DCC: variants seen among roughly 807,000 people sequenced by gnomAD.
The protein encoded by DCC is netrin receptor DCC.
DCC carries 58 observed loss-of-function variants against 172.5 expected under a neutral mutation model. The observed-to-expected ratio is 0.34, with a 90% CI of 0.27 to 0.42. DCC has a LOEUF of 0.42. Among genes scored for constraint, DCC ranks in the 10% least tolerant of loss-of-function variants. The pLI is 1.00. For missense variants in DCC, 1,740 were observed against 1,791.0 expected (o/e 0.97, Z 0.51); for synonymous variants, 709 against 644.5 (o/e 1.10, Z -1.52).
chr18:52,912,810 C>A (rs1471601698), intron 3 of DCC, among the ~76,000 whole-genome samples: 4 of 151,948 alleles, frequency 2.6e-5, no homozygotes, highest in Admixed American at 2.6e-4. Context: ...TTTATTATTT[C>A]ACTCCATACT....
At chr18:53,250,552 CT>C (rs1434345803) in intron 12 of DCC, among the ~76,000 whole-genome samples, 17 of 151,778 alleles carry the variant, frequency 1.1e-4, no homozygotes, top group African/African-American at 4.1e-4. Flanking sequence ...ATATCTGCCC[CT>C]AGTCTCCTCC....
intron 1 of DCC, among the ~76,000 whole-genome samples, chr18:52,577,582 C>A (rs62083388): frequency 0.27 from 41,565 of 151,988 alleles, 6,508 homozygotes; most frequent in Middle Eastern, 0.37. Flanking sequence ...ATTTCTTTTT[C>A]TTTTCTAGAT....
At position 52,497,248 on chromosome 18, in the gene DCC, G is replaced by A. The variant is rs142021393; in HGVS notation, c.91+156370G>A. On this transcript the variant is annotated intron_variant, in intron 1 of 28. Coordinates refer to ENST00000442544, the MANE Select transcript of DCC (RefSeq NM_005215.4). ...TGCTCTCCAGCCTGGGTAACAGAGT[G>A]AGACCCTGTATCAAAAAAAAAAAAA... Among the ~76,000 whole-genome samples the A allele has an allele frequency of 3.3e-3, 335 of 100,326 alleles. 2 individuals are homozygous for A. The highest frequency in any genetic ancestry group is 0.012 in the African/African-American group (324 of 25,976). The allele number at this position is 100,326 out of a possible 152,430, so 65.8% of individuals were successfully genotyped here.
chr18:53,177,206 G>A (rs920115209), intron 8 of DCC, among the ~76,000 whole-genome samples: 5 of 151,836 alleles, frequency 3.3e-5, no homozygotes, highest in Admixed American at 6.6e-5. Flanking sequence ...GGGAGGGATA[G>A]CACTGGGAGA....
chr18:52,700,312 ACATGCACACTCACGGAATGCACACC>A (rs1186873435), intron 1 of DCC, among the ~76,000 whole-genome samples: 3 of 143,654 alleles, frequency 2.1e-5, no homozygotes, highest in Non-Finnish European at 4.5e-5. Flanking sequence ...ACACATGCAC[ACATGCACACTCACGGAATGCACACC>A]CATGCACACT....
intron 1 of DCC, among the ~76,000 whole-genome samples, chr18:52,348,762 A>T (rs747097291): frequency 2.0e-5 from 3 of 152,040 alleles, no homozygotes; most frequent in Non-Finnish European, 4.4e-5. Context: ...TACCATGTTG[A>T]CTCTGGCCTA....
intron 21 of DCC, among the ~76,000 whole-genome samples, chr18:53,418,199 C>T (rs1374082172): frequency 6.6e-6 from 1 of 152,122 alleles, no homozygotes; most frequent in Non-Finnish European, 1.5e-5. Flanking sequence ...ACTCAATTCA[C>T]TTATAAAATT....
chr18:52,803,837 A>G (rs2038038060), intron 2 of DCC, among the ~76,000 whole-genome samples: 1 of 152,242 alleles, frequency 6.6e-6, no homozygotes, highest in Non-Finnish European at 1.5e-5. Flanking sequence ...TAATGACCTA[A>G]TATTAACTAA....
At chr18:52,897,261 A>T (rs2039745333) in intron 2 of DCC, among the ~76,000 whole-genome samples, 1 of 152,214 alleles carries the variant, frequency 6.6e-6, no homozygotes, top group Admixed American at 6.5e-5. Context: ...AGAAAGACTT[A>T]GTTGATGGCC....
At chr18:53,348,406 T>A (rs1438126220) in intron 15 of DCC, among the ~76,000 whole-genome samples, 1 of 152,136 alleles carries the variant, frequency 6.6e-6, no homozygotes, top group African/African-American at 2.4e-5. Flanking sequence ...ACTCCTGTGG[T>A]TTTGCAGGGC....
At chr18:53,262,986 C>A (rs2056623889) in intron 12 of DCC, among the ~76,000 whole-genome samples, 1 of 152,082 alleles carries the variant, frequency 6.6e-6, no homozygotes. Context: ...ATTGGTCTTT[C>A]ATTGGTAAGC....
chr18:52,834,332 G>A (rs908916873), intron 2 of DCC, among the ~76,000 whole-genome samples: 1 of 152,196 alleles, frequency 6.6e-6, no homozygotes, highest in African/African-American at 2.4e-5. Flanking sequence ...TTCTCAAAAT[G>A]TGGTGGCTCC....
chr18:52,741,637 T>C (rs988157621), intron 1 of DCC, among the ~76,000 whole-genome samples: 1 of 152,154 alleles, frequency 6.6e-6, no homozygotes, highest in African/African-American at 2.4e-5. Context: ...TTATTGAAAC[T>C]CTTCTGTAAA....
intron 1 of DCC, among the ~76,000 whole-genome samples, chr18:52,441,006 C>T (rs1045486889): frequency 2.6e-5 from 4 of 152,216 alleles, no homozygotes; most frequent in Non-Finnish European, 5.9e-5. Context: ...TGGGGAGTCA[C>T]TTGATAGGGA....
intron 12 of DCC, among the ~76,000 whole-genome samples, chr18:53,234,492 G>C (rs952421689): frequency 4.0e-5 from 6 of 151,854 alleles, no homozygotes; most frequent in South Asian, 2.1e-4. Flanking sequence ...TCTGCTTCAA[G>C]ACCCCAGATA....
intron 12 of DCC, among the ~76,000 whole-genome samples, chr18:53,288,956 G>T (rs767645352): frequency 6.6e-6 from 1 of 152,080 alleles, no homozygotes; most frequent in Non-Finnish European, 1.5e-5. Context: ...TCTGCAGATG[G>T]TTGTGTGGGT....
At chr18:53,321,301 C>T (rs1304412487) in intron 13 of DCC, among the ~76,000 whole-genome samples, 3 of 152,130 alleles carry the variant, frequency 2.0e-5, no homozygotes, top group Non-Finnish European at 4.4e-5. Flanking sequence ...GGTCTTTTCA[C>T]AAATATCATT....
intron 5 of DCC, among the ~76,000 whole-genome samples, chr18:52,962,821 T>A (rs1288388700): frequency 6.6e-6 from 1 of 151,974 alleles, no homozygotes; most frequent in Non-Finnish European, 1.5e-5. Flanking sequence ...TGGATGAAAT[T>A]GGAAACCATC....
intron 27 of DCC, among the ~76,000 whole-genome samples, chr18:53,522,202 G>A (rs1287799308): frequency 6.6e-6 from 1 of 151,904 alleles, no homozygotes; most frequent in African/African-American, 2.4e-5. Flanking sequence ...TACCTGCCAA[G>A]GTTTTTAGTG....
Sources: gnomAD v4.1 joint callset for allele counts (sites outside exome capture counted in the v4.1 genomes callset) on GRCh38, gnomAD v4.1.1 for gene constraint, MANE v1.5 for transcripts, NCBI Gene and HGNC (gene_info 2026-07-23, HGNC 2026-07-21) for gene names.